Variants in RMND5B observed in about 807,000 individuals in gnomAD.
RMND5B encodes the protein required for meiotic nuclear division 5 homolog B.
A neutral mutation model predicts 50.4 loss-of-function variants in RMND5B; 42 were observed. The ratio of observed to expected loss-of-function variants is 0.83; its 90% confidence interval spans 0.65 to 1.08. RMND5B has a LOEUF of 1.08. RMND5B is among the 50% of genes least tolerant of loss of function. RMND5B has a pLI of 0.00. For missense variants in RMND5B, 463 were observed against 508.5 expected (o/e 0.91, Z 0.86); for synonymous variants, 220 against 210.0 (o/e 1.05, Z -0.41).
chr5:178,146,965 T>C (rs1561640450), intron 8 of RMND5B: 1 of 159,390 alleles, frequency 6.3e-6, no homozygotes, highest in Non-Finnish European at 1.4e-5. Flanking sequence ...GGACTCAGTT[T>C]ATAGAACGTC....
At chr5:178,136,249 G>C (rs1205724357) in intron 2 of RMND5B, 1 of 152,206 alleles carries the variant, frequency 6.6e-6, no homozygotes, top group East Asian at 1.9e-4. Context: ...TGAGCATTAG[G>C]TAAATGAATT....
intron 8 of RMND5B, 199 bp downstream of exon 8, chr5:178,146,478 C>G: frequency 1.8e-6 from 1 of 567,104 alleles, no homozygotes; most frequent in Non-Finnish European, 3.1e-6. Flanking sequence ...CCCGAGGTCA[C>G]CATGAGGTCA....
chr5:178,133,308 C>T (rs1272094786), intron 2 of RMND5B: 1 of 152,206 alleles, frequency 6.6e-6, no homozygotes, highest in Non-Finnish European at 1.5e-5. Flanking sequence ...TTTAATATTT[C>T]ACTCATGTCT....
chr5:178,143,235 G>T (rs1473698442), intron 5 of RMND5B, among the ~76,000 whole-genome samples: 1 of 152,212 alleles, frequency 6.6e-6, no homozygotes, highest in African/African-American at 2.4e-5. Flanking sequence ...TTATTGAAAA[G>T]GGAGCTGAGT....
chr5:178,146,973 G>A lies in RMND5B; in HGVS notation c.861-560G>A, dbSNP rs141400522. The A allele has an allele frequency of 1.9e-3, 305 of 158,520 alleles. 1 individual carries two copies. The highest frequency in any genetic ancestry group is 3.2e-3 in the Non-Finnish European group (228 of 71,768). The allele number at this position is 158,520 out of a possible 1,614,324, so 9.8% of individuals were successfully genotyped here. On this transcript the variant is annotated intron_variant, in intron 8 of 10. Transcript: ENST00000313386. ...TTACCATGGACTCAGTTTATAGAAC[G>A]TCATTTCCCAGCAAGAACAACATCA... is the stretch of plus-strand genomic sequence containing the variant.
chr5:178,133,363 C>T (rs1758437791), intron 2 of RMND5B: 1 of 152,152 alleles, frequency 6.6e-6, no homozygotes, highest in South Asian at 2.1e-4. Flanking sequence ...TTCTCCAGCG[C>T]AGTTAGGAAA....
At chr5:178,135,920 A>G (rs184688373) in intron 2 of RMND5B, 2 of 152,248 alleles carry the variant, frequency 1.3e-5, no homozygotes, top group Admixed American at 1.3e-4. Context: ...TCCCCAGTTG[A>G]TCATTCTCAC....
chr5:178,147,689 G>A (rs750705120), intron 9 of RMND5B, 40 bp from the exon 10 acceptor site: 1 of 1,614,002 alleles, frequency 6.2e-7, no homozygotes, highest in Non-Finnish European at 8.5e-7. Context: ...GGACAGCCAT[G>A]ACAGGAAGTG....
chr5:178,142,071 T>C (rs975677570), intron 3 of RMND5B: 1 of 160,018 alleles, frequency 6.2e-6, no homozygotes, highest in African/African-American at 2.4e-5. Flanking sequence ...GGATGTGCCA[T>C]GTTTTTCCAC....
At chr5:178,142,339 C>T (rs1758988752) in intron 3 of RMND5B, 1 of 489,518 alleles carries the variant, frequency 2.0e-6, no homozygotes, top group Non-Finnish European at 3.6e-6. Context: ...TTCACAGCAA[C>T]CAGTAATTTC....
intron 7 of RMND5B, 102 bp downstream of exon 7, chr5:178,144,210 C>T: frequency 7.7e-7 from 1 of 1,296,182 alleles, no homozygotes; most frequent in Non-Finnish European, 1.1e-6. Flanking sequence ...GTGGGGCTGT[C>T]TGTTACACAG....
chr5:178,146,343 A>C, intron 8 of RMND5B, 64 bp downstream of exon 8: 1 of 1,501,106 alleles, frequency 6.7e-7, no homozygotes, highest in Non-Finnish European at 9.1e-7. Flanking sequence ...TCATTTGCCA[A>C]GGCCCTGCCA....
chr5:178,143,821 G>A lies in RMND5B; in HGVS notation c.527+94G>A, dbSNP rs1030680503. 39 of 1,460,118 alleles carry A rather than the reference G, an allele frequency of 2.7e-5. No homozygotes were observed. In the East Asian group the frequency reaches 8.4e-4, roughly 31 times the overall value. The allele number at this position is 1,460,118 out of a possible 1,614,324, so 90.4% of individuals were successfully genotyped here. Reference sequence around the variant, plus strand: ...GTCTTCATTTCACCCAGATGTACTTGACTTGCCTGCAGCCCTGTCTCAAGA... The same window carrying A: ...GTCTTCATTTCACCCAGATGTACTTAACTTGCCTGCAGCCCTGTCTCAAGA... On this transcript the variant is annotated intron_variant, in intron 6 of 10. Transcript: ENST00000313386.
At position 178,138,348 on chromosome 5, in the gene RMND5B, C is replaced by T. The variant is rs760091643; in HGVS notation, c.139+90C>T. 1.5e-5 allele frequency: 22 copies of T among 1,509,846 alleles called. No homozygotes were observed. The highest frequency in any genetic ancestry group is 4.2e-5 in the African/African-American group (3 of 72,206). 93.5% of individuals were successfully genotyped at this position (1,509,846 alleles called of 1,614,324 possible). A position where few individuals can be genotyped will look rare whatever the true frequency, so the allele number is the denominator to read the frequency against. On this transcript the variant is annotated intron_variant, in intron 3 of 10. Coordinates refer to ENST00000313386, the MANE Select transcript of RMND5B (RefSeq NM_022762.5). This position sits in a 1 kb window ranked among gnomAD's most constrained non-coding sequence, Gnocchi z 5.1. ...ACTGAGTGACAGGGTTCCGGAAGGA[C>T]GATGATGAGGATGTTGGTACCTGCA...
Position 178,150,300 on chromosome 5 carries a change from A to G in RMND5B, c.*2268A>G. 1 of 223,430 alleles carries G rather than the reference A, an allele frequency of 4.5e-6. No homozygotes were observed. Among genetic ancestry groups the G allele is most frequent in the South Asian group, 6.0e-5 (1 of 16,536 alleles). The allele number at this position is 223,430 out of a possible 1,614,324, so 13.8% of individuals were successfully genotyped here. On this transcript the variant is annotated 3_prime_UTR_variant, in exon 11 of 11. Coordinates refer to ENST00000313386, the MANE Select transcript of RMND5B (RefSeq NM_022762.5). ...CTATTTGGTTCTTACCATCAGGCCA[A>G]ACGGTAAGTTCCTTCAGAACAGGGC...
Position 178,149,605 on chromosome 5 carries a change from G to C in RMND5B, c.*1573G>C. The C allele has an allele frequency of 6.8e-7, 1 of 1,470,092 alleles. No individual in the cohort carries two copies. The highest frequency in any genetic ancestry group is 9.4e-7 in the Non-Finnish European group (1 of 1,065,364). 91.1% of individuals were successfully genotyped at this position (1,470,092 alleles called of 1,614,324 possible). On this transcript the variant is annotated 3_prime_UTR_variant, in exon 11 of 11. Coordinates refer to ENST00000313386, the MANE Select transcript of RMND5B (RefSeq NM_022762.5). ...CTGCCTGGGAAGAAGGCGTGCCTTG[G>C]GGAACTGGGAAGATGCCGTCAGTGT...
chr5:178,147,269 G>A lies in RMND5B; in HGVS notation c.861-264G>A, dbSNP rs556889043. The A allele has an allele frequency of 7.6e-5, 39 of 515,642 alleles. 1 individual carries two copies. Among genetic ancestry groups the A allele is most frequent in the African/African-American group, 6.3e-4 (33 of 52,366 alleles). 31.9% of individuals were successfully genotyped at this position (515,642 alleles called of 1,614,324 possible). On this transcript the variant is annotated intron_variant, in intron 8 of 10. Transcript: ENST00000313386. Reference sequence around the variant, plus strand: ...AAGGACTTTTCAGTCATTAGGATGAGCAGATATCTGCCCCTAGAGCTATAG... The same window carrying A: ...AAGGACTTTTCAGTCATTAGGATGAACAGATATCTGCCCCTAGAGCTATAG...
rs1249316274 is a variant in RMND5B, at chr5:178,150,440, G to A, written c.*2408G>A. 8.6e-6 allele frequency: 3 copies of A among 348,360 alleles called. No homozygotes were observed. The highest frequency in any genetic ancestry group is 2.2e-5 in the South Asian group (1 of 44,706). The allele number at this position is 348,360 out of a possible 1,614,324, so 21.6% of individuals were successfully genotyped here. A position where few individuals can be genotyped will look rare whatever the true frequency, so the allele number is the denominator to read the frequency against. The stretch of plus-strand genomic sequence containing the variant: ...GTCATGCAGTCTGGAGTGTGGTGGT[G>A]TATGATCATGGCTCACTGCAGCCTT... On this transcript the variant is annotated 3_prime_UTR_variant, in exon 11 of 11. Transcript: ENST00000313386.
At position 178,138,905 on chromosome 5, in the gene RMND5B, T is replaced by G. The variant is rs529011891; in HGVS notation, c.139+647T>G. 1.6e-3 allele frequency among the ~76,000 whole-genome samples: 244 copies of G among 152,198 alleles called. 2 individuals carry two copies. The highest frequency in any genetic ancestry group is 5.4e-3 in the African/African-American group (223 of 41,548). On this transcript the variant is annotated intron_variant, in intron 3 of 10. Transcript: ENST00000313386. The surrounding 1 kb of genome is among the most constrained non-coding windows in gnomAD (Gnocchi z 5.1). Reference sequence around the variant, plus strand: ...TCTTACATAAAAACAGCGTAGTTATTAAAACCCAGAAATTGCCAGGCACAG... The same window carrying G: ...TCTTACATAAAAACAGCGTAGTTATGAAAACCCAGAAATTGCCAGGCACAG...
Sources: allele counts gnomAD v4.1 joint callset (sites outside exome capture counted in the v4.1 genomes callset), GRCh38; gene constraint gnomAD v4.1.1; non-coding constraint Gnocchi (gnomAD v3.1); transcripts MANE v1.5; gene names NCBI Gene and HGNC (gene_info 2026-07-23, HGNC 2026-07-21).